Variants in MPPED2 observed in about 807,000 individuals in gnomAD.
MPPED2 encodes the protein metallophosphoesterase MPPED2.
Under a neutral mutation model 33.0 loss-of-function variants are expected in MPPED2, and 5 were observed. That is an observed-to-expected ratio of 0.15 (90% CI 0.08 to 0.32). The LOEUF is 0.32. Ranked by LOEUF, MPPED2 falls within the 10% of genes least tolerant of loss-of-function variation. The pLI, the probability that MPPED2 is intolerant of heterozygous loss-of-function variation, is 1.00. For synonymous variants in MPPED2, 136 were observed against 141.9 expected (o/e 0.96, Z 0.29); for missense variants, 275 against 372.1 (o/e 0.74, Z 2.15).
intron 2 of MPPED2, among the ~76,000 whole-genome samples, chr11:30,537,267 T>C (rs1331765602): frequency 1.3e-5 from 2 of 152,176 alleles, no homozygotes; most frequent in Non-Finnish European, 2.9e-5. Context: ...TTTCGGATTA[T>C]AGGTGAAAAG....
Position 30,549,987 on chromosome 11 carries a change from T to C in MPPED2, c.129-13812A>G, listed in dbSNP as rs193146641. Among the ~76,000 whole-genome samples, 302 of 152,262 alleles carry C rather than the reference T, an allele frequency of 2.0e-3. 2 individuals are homozygous for C. Among genetic ancestry groups the C allele is most frequent in the African/African-American group, 6.9e-3 (287 of 41,546 alleles). ...GCCCCTCTTCCCACTCCCATATCAA[T>C]TGCTTTTTTAAAATAATAATAAGAT... On this transcript the variant is annotated intron_variant, in intron 2 of 6. Transcript: ENST00000358117.
intron 5 of MPPED2, 95 bp from the exon 6 acceptor site, chr11:30,414,436 T>C (rs1948249243): frequency 5.0e-6 from 4 of 797,052 alleles, no homozygotes; most frequent in Non-Finnish European, 8.8e-6. Context: ...GAAGGTTTAT[T>C]ACATTATCTG....
intron 2 of MPPED2, among the ~76,000 whole-genome samples, chr11:30,574,457 A>C (rs1257988837): frequency 1.3e-5 from 2 of 152,208 alleles, no homozygotes; most frequent in Non-Finnish European, 2.9e-5. Context: ...CAAAGACGAA[A>C]TCGCCTAGAA....
intron 4 of MPPED2, among the ~76,000 whole-genome samples, chr11:30,492,223 G>A (rs938826155): frequency 2.6e-5 from 4 of 152,178 alleles, no homozygotes; most frequent in African/African-American, 9.7e-5. Context: ...GATTGCTTGA[G>A]ATGCTGCAAG....
At chr11:30,490,033 T>C (rs1488566748) in intron 4 of MPPED2, among the ~76,000 whole-genome samples, 1 of 151,978 alleles carries the variant, frequency 6.6e-6, no homozygotes, top group African/African-American at 2.4e-5. Context: ...TAATCAAAAA[T>C]ACAAAGATGA....
intron 2 of MPPED2, among the ~76,000 whole-genome samples, chr11:30,553,502 A>G (rs1955819139): frequency 6.6e-6 from 1 of 152,230 alleles, no homozygotes; most frequent in African/African-American, 2.4e-5. Flanking sequence ...CAAACAAACA[A>G]ACAACAAACA....
At chr11:30,458,909 C>A (rs1179688573) in intron 4 of MPPED2, among the ~76,000 whole-genome samples, 19 of 125,842 alleles carry the variant, frequency 1.5e-4, no homozygotes, top group Non-Finnish European at 3.0e-4. Flanking sequence ...CAATTTTGCA[C>A]AGTTCTTTTT....
At chr11:30,578,768 T>C (rs1379641554) in intron 2 of MPPED2, among the ~76,000 whole-genome samples, 1 of 152,122 alleles carries the variant, frequency 6.6e-6, no homozygotes, top group African/African-American at 2.4e-5. Flanking sequence ...TACACAAATA[T>C]TGTAACATAT....
At chr11:30,388,505 GAGGGAC>G in exon 7 of MPPED2, 3 of 160,408 alleles carry the variant, frequency 1.9e-5, no homozygotes, top group Admixed American at 6.3e-5. Flanking sequence ...GAAGGAGCAG[GAGGGAC>G]TGTTGGTAGG....
At chr11:30,444,236 G>C (rs1949703765) in intron 4 of MPPED2, among the ~76,000 whole-genome samples, 1 of 152,182 alleles carries the variant, frequency 6.6e-6, no homozygotes, top group Non-Finnish European at 1.5e-5. Context: ...GACCCGGCAT[G>C]ATCTGCATTC....
At chr11:30,445,897 A>G (rs551190337) in intron 4 of MPPED2, among the ~76,000 whole-genome samples, 7 of 152,330 alleles carry the variant, frequency 4.6e-5, no homozygotes, top group African/African-American at 1.4e-4. Context: ...TATTGGGAAT[A>G]ATGCTGCTAT....
intron 2 of MPPED2, among the ~76,000 whole-genome samples, chr11:30,573,796 T>C (rs1253460747): frequency 1.3e-5 from 2 of 152,198 alleles, no homozygotes; most frequent in African/African-American, 2.4e-5. Context: ...GTATCCAACA[T>C]GTAGTTTAAA....
chr11:30,524,467 T>C (rs188490387), intron 3 of MPPED2, among the ~76,000 whole-genome samples: 2 of 152,184 alleles, frequency 1.3e-5, no homozygotes, highest in African/African-American at 2.4e-5. Context: ...CACAAAAATA[T>C]CAGTATGTTG....
At chr11:30,533,349 G>A (rs1954634583) in intron 3 of MPPED2, among the ~76,000 whole-genome samples, 1 of 152,168 alleles carries the variant, frequency 6.6e-6, no homozygotes. Flanking sequence ...TTGGGGGACA[G>A]TCAGGTTGTT....
chr11:30,401,862 T>C (rs1035748514), intron 6 of MPPED2, among the ~76,000 whole-genome samples: 1 of 60,868 alleles, frequency 1.6e-5, no homozygotes, highest in African/African-American at 6.6e-5. Context: ...TTTTTTGTAT[T>C]TTTTTTTTTT....
At chr11:30,510,664 C>A (rs1390846565) in intron 3 of MPPED2, among the ~76,000 whole-genome samples, 1 of 152,192 alleles carries the variant, frequency 6.6e-6, no homozygotes, top group East Asian at 1.9e-4. Flanking sequence ...ATCATTGACT[C>A]TTAAATGGTG....
intron 2 of MPPED2, among the ~76,000 whole-genome samples, chr11:30,573,205 C>A (rs960521549): frequency 1.3e-5 from 2 of 152,058 alleles, no homozygotes; most frequent in Admixed American, 6.6e-5. Flanking sequence ...AATTTTCTAT[C>A]GCCTAATGAC....
chr11:30,448,802 G>C (rs1949924733), intron 4 of MPPED2, among the ~76,000 whole-genome samples: 1 of 151,860 alleles, frequency 6.6e-6, no homozygotes, highest in Non-Finnish European at 1.5e-5. Flanking sequence ...AGCCTCCTGA[G>C]TAGCACCACC....
Position 30,573,528 on chromosome 11 carries a change from A to G in MPPED2, c.128+6718T>C, listed in dbSNP as rs555321408. On this transcript the variant is annotated intron_variant, in intron 2 of 6. Transcript: ENST00000358117. Reference sequence around the variant, plus strand: ...GAAGAAGGCATTGTCATCACAGGAGATAACAGCTCCATGCCTGTTACTGCT... The same window carrying G: ...GAAGAAGGCATTGTCATCACAGGAGGTAACAGCTCCATGCCTGTTACTGCT... Among the ~76,000 whole-genome samples the G allele has an allele frequency of 2.0e-5, 3 of 152,280 alleles. No individual in the cohort carries two copies. In the South Asian group the frequency reaches 6.2e-4, roughly 32 times the overall value.
Sources: gnomAD v4.1 joint callset for allele counts (sites outside exome capture counted in the v4.1 genomes callset) on GRCh38, gnomAD v4.1.1 for gene constraint, MANE v1.5 for transcripts, NCBI Gene and HGNC (gene_info 2026-07-23, HGNC 2026-07-21) for gene names.